Variants in TMEM117 observed in about 807,000 individuals in gnomAD.
TMEM117 encodes transmembrane protein 117.
Under a neutral mutation model 52.4 loss-of-function variants are expected in TMEM117, and 27 were observed. That is an observed-to-expected ratio of 0.51 (90% CI 0.38 to 0.71). TMEM117 has a LOEUF of 0.71. TMEM117 is among the 30% of genes least tolerant of loss of function. The pLI is 0.00. For missense variants in TMEM117, 556 were observed against 630.5 expected, an observed-to-expected ratio of 0.88 and a Z score of 1.26; for synonymous variants, 215 against 206.3, an observed-to-expected ratio of 1.04 and a Z score of -0.36.
At chr12:44,246,187 A>T (rs1447962973) in intron 5 of TMEM117, among the ~76,000 whole-genome samples, 1 of 152,164 alleles carries the variant, frequency 6.6e-6, no homozygotes, top group African/African-American at 2.4e-5. Flanking sequence ...AAGTACAGTA[A>T]TGGACACTTT....
intron 4 of TMEM117, among the ~76,000 whole-genome samples, chr12:44,204,005 G>A (rs1034187593): frequency 2.6e-5 from 4 of 151,994 alleles, no homozygotes; most frequent in African/African-American, 7.3e-5. Context: ...CCTGAGAACC[G>A]GAACAAGACA....
At chr12:44,390,160 T>C (rs895790962), downstream of TMEM117, among the ~76,000 whole-genome samples, 4 of 151,842 alleles carry the variant, frequency 2.6e-5, no homozygotes, top group African/African-American at 7.2e-5. Flanking sequence ...TTACCTTTAA[T>C]AGCCATGCAT....
At chr12:44,148,371 G>T (rs1263597437) in intron 4 of TMEM117, among the ~76,000 whole-genome samples, 1 of 152,144 alleles carries the variant, frequency 6.6e-6, no homozygotes, top group Non-Finnish European at 1.5e-5. Flanking sequence ...AATATAGTAA[G>T]AAATAAGTTG....
intron 3 of TMEM117, among the ~76,000 whole-genome samples, chr12:44,121,409 C>T (rs1948231982): frequency 6.6e-6 from 1 of 152,150 alleles, no homozygotes; most frequent in Non-Finnish European, 1.5e-5. Context: ...ACTGCAATGC[C>T]AACCCCTCCT....
intron 2 of TMEM117, among the ~76,000 whole-genome samples, chr12:43,870,847 C>T (rs1336807880): frequency 6.6e-6 from 1 of 151,938 alleles, no homozygotes; most frequent in Non-Finnish European, 1.5e-5. Context: ...TGCAATGGTG[C>T]TATCCCCGCT....
intron 1 of TMEM117, among the ~76,000 whole-genome samples, chr12:43,842,973 C>A (rs1279810763): frequency 6.6e-6 from 1 of 152,146 alleles, no homozygotes; most frequent in Non-Finnish European, 1.5e-5. Flanking sequence ...CAGATCAGAG[C>A]TCTCCTGCTA....
the TMEM117 span, chr12:43,804,474 A>AT: frequency 6.8e-7 from 1 of 1,470,336 alleles, no homozygotes; most frequent in Non-Finnish European, 9.4e-7. Context: ...AACAGAAAAT[A>AT]TTTTAAAATA....
At chr12:43,798,601 A>G in the TMEM117 span, 1 of 1,520,538 alleles carries the variant, frequency 6.6e-7, no homozygotes, top group South Asian at 1.2e-5. Flanking sequence ...TGCAAGAAAT[A>G]AAACAAACTA....
chr12:43,894,941 A>G (rs1011669195), intron 2 of TMEM117, among the ~76,000 whole-genome samples: 1 of 152,178 alleles, frequency 6.6e-6, no homozygotes, highest in Non-Finnish European at 1.5e-5. Context: ...TAATTATTGC[A>G]TATGTACTAA....
chr12:43,922,053 G>A (rs1944703665), intron 2 of TMEM117, among the ~76,000 whole-genome samples: 1 of 152,044 alleles, frequency 6.6e-6, no homozygotes. Context: ...CCACCTTAGG[G>A]TGCCTTCTTG....
chr12:43,804,155 T>C, the TMEM117 span: 5 of 196,966 alleles, frequency 2.5e-5, no homozygotes, highest in Non-Finnish European at 4.3e-5. Context: ...CAAGTAACTA[T>C]TTTTTTTTTT....
the TMEM117 span, among the ~76,000 whole-genome samples, chr12:43,805,347 G>C: frequency 6.6e-6 from 1 of 152,162 alleles, no homozygotes; most frequent in Non-Finnish European, 1.5e-5. Context: ...TTCTGCGTGC[G>C]TGCAGGGGGA....
chr12:43,991,436 G>T (rs974382535), intron 3 of TMEM117, among the ~76,000 whole-genome samples: 5 of 74,736 alleles, frequency 6.7e-5, no homozygotes, highest in African/African-American at 2.1e-4. Context: ...AATATTTATT[G>T]TTATCTATCT....
At chr12:43,795,905 G>T in the TMEM117 span, 1 of 683,794 alleles carries the variant, frequency 1.5e-6, no homozygotes, top group East Asian at 2.7e-5. Context: ...CTTCTTTTGG[G>T]GGAAGGGGCT....
chr12:44,309,936 C>T (rs1950952733), intron 6 of TMEM117, among the ~76,000 whole-genome samples: 1 of 152,166 alleles, frequency 6.6e-6, no homozygotes. Flanking sequence ...GACGGGAACA[C>T]TCTTGCAATA....
chr12:43,848,308 C>G (rs541839618), intron 2 of TMEM117, among the ~76,000 whole-genome samples: 1 of 152,054 alleles, frequency 6.6e-6, no homozygotes, highest in Non-Finnish European at 1.5e-5. Flanking sequence ...TTCCTCAACC[C>G]TAGTAAGCCT....
intron 4 of TMEM117, among the ~76,000 whole-genome samples, chr12:44,161,503 GAGGGA>G (rs1203425035): frequency 2.0e-5 from 3 of 152,168 alleles, no homozygotes; most frequent in Non-Finnish European, 4.4e-5. Flanking sequence ...AAAGGAAAGT[GAGGGA>G]CTAATGCTCA....
chr12:44,258,314 A>G (rs2138532289), intron 5 of TMEM117, among the ~76,000 whole-genome samples: 1 of 152,228 alleles, frequency 6.6e-6, no homozygotes. Flanking sequence ...ATTACTGTCT[A>G]TGTATAATGA....
Position 44,129,482 on chromosome 12 carries a change from C to T in TMEM117, c.411-14043C>T, listed in dbSNP as rs112523459. Among the ~76,000 whole-genome samples the T allele has an allele frequency of 9.9e-3, 1,510 of 152,258 alleles. 33 individuals are homozygous for T. The highest frequency in any genetic ancestry group is 0.034 in the African/African-American group (1,423 of 41,556). ...GAAGTTTATTACACTCTTTCCCATT[C>T]CCCTTCCTCAGTAACTTTCTTATCT... On this transcript the variant is annotated intron_variant, in intron 3 of 7. Transcript: ENST00000266534.
Sources: allele counts gnomAD v4.1 joint callset (sites outside exome capture counted in the v4.1 genomes callset), GRCh38; gene constraint gnomAD v4.1.1; transcripts MANE v1.5; gene names NCBI Gene and HGNC (gene_info 2026-07-23, HGNC 2026-07-21).